The following WDR27 variants were observed in gnomAD, a reference collection of about 807,000 sequenced individuals.
The protein encoded by WDR27 is WD repeat-containing protein 27.
Under a neutral mutation model 114.4 loss-of-function variants are expected in WDR27, and 100 were observed. That is an observed-to-expected ratio of 0.87 (90% confidence interval 0.74 to 1.03). The LOEUF is 1.03. Among genes scored for constraint, WDR27 ranks in the 50% least tolerant of loss-of-function variants. The pLI is 0.00. For synonymous variants in WDR27, 449 were observed against 423.1 expected (o/e 1.06, Z -0.75); for missense variants, 1,129 against 1,092.9 (o/e 1.03, Z -0.47).
At chr6:169,698,963 T>C (rs765075420) in intron 1 of WDR27, among the ~76,000 whole-genome samples, 3 of 152,322 alleles carry the variant, frequency 2.0e-5, no homozygotes, top group South Asian at 2.1e-4. Flanking sequence ...TCAGTGACAC[T>C]GTAGGATGTT....
At chr6:169,502,284 G>C (rs1329309221) in intron 25 of WDR27, among the ~76,000 whole-genome samples, 2 of 152,180 alleles carry the variant, frequency 1.3e-5, no homozygotes, top group African/African-American at 4.8e-5. Context: ...CCGGACTCAC[G>C]TGCTGGGGAT....
intron 22 of WDR27, among the ~76,000 whole-genome samples, chr6:169,612,336 C>A (rs1487985079): frequency 2.0e-5 from 3 of 152,212 alleles, no homozygotes; most frequent in Non-Finnish European, 2.9e-5. Flanking sequence ...AGGAGAATGG[C>A]GTGAAGCCAG....
intron 17 of WDR27, among the ~76,000 whole-genome samples, chr6:169,640,776 T>G (rs994558191): frequency 6.6e-6 from 1 of 152,084 alleles, no homozygotes; most frequent in African/African-American, 2.4e-5. Flanking sequence ...ACCAGCCATG[T>G]GGCGCACTGT....
At chr6:169,693,091 A>C (rs1479672229) in intron 1 of WDR27, among the ~76,000 whole-genome samples, 2 of 152,262 alleles carry the variant, frequency 1.3e-5, no homozygotes. Flanking sequence ...GCTGTGAGAC[A>C]AAAGCATCAG....
chr6:169,466,522 G>A (rs759825092), intron 25 of WDR27, among the ~76,000 whole-genome samples: 5 of 152,084 alleles, frequency 3.3e-5, no homozygotes, highest in Non-Finnish European at 5.9e-5. Flanking sequence ...AACAAATGAG[G>A]GTAACTGCTC....
chr6:169,621,207 C>T (rs535801959), intron 21 of WDR27, among the ~76,000 whole-genome samples: 26 of 152,244 alleles, frequency 1.7e-4, no homozygotes, highest in East Asian at 9.7e-4. Context: ...CATGCACGCT[C>T]GCATATGCAT....
rs532665801 is a variant in WDR27, at chr6:169,506,594, A to G, written c.2646-48960T>C. Among the ~76,000 whole-genome samples, 14 of 152,370 alleles carry G rather than the reference A, an allele frequency of 9.2e-5. No homozygotes were observed. In the East Asian group the frequency reaches 2.1e-3, roughly 23 times the overall value. Reference sequence around the variant, plus strand: ...GAATGAAAGAAAGCCATAGACGGCAACAAATTCACAGAAGCACATGAGTAG... The same window carrying G: ...GAATGAAAGAAAGCCATAGACGGCAGCAAATTCACAGAAGCACATGAGTAG... On this transcript the variant is annotated intron_variant, in intron 25 of 25. Coordinates refer to ENST00000448612, the MANE Select transcript of WDR27 (RefSeq NM_182552.5).
Position 169,681,683 on chromosome 6 carries a change from G to A in WDR27, c.189+7134C>T, listed in dbSNP as rs192899223. On this transcript the variant is annotated intron_variant, in intron 2 of 25. Coordinates refer to ENST00000448612, the MANE Select transcript of WDR27 (RefSeq NM_182552.5). ...AACCTGAAAGCTGCCCTGTGGCTTC[G>A]CTCCAATTCCCTCATCTGAGGTCCC... Among the ~76,000 whole-genome samples, 862 of 152,306 alleles carry A rather than the reference G, an allele frequency of 5.7e-3. 3 individuals carry two copies. Among genetic ancestry groups the A allele is most frequent in the Middle Eastern group, 0.01 (3 of 294 alleles).
At chr6:169,645,017 A>T (rs866768752) in intron 16 of WDR27, among the ~76,000 whole-genome samples, 14 of 64,776 alleles carry the variant, frequency 2.2e-4, no homozygotes, top group South Asian at 4.3e-4. Context: ...TCAAAAAAAA[A>T]AAAAATAAAA....
chr6:169,665,294 C>G (rs1827520821), intron 7 of WDR27, 192 bp downstream of exon 7: 1 of 1,356,226 alleles, frequency 7.4e-7, no homozygotes, highest in Non-Finnish European at 9.5e-7. Flanking sequence ...CTCCGCAGAC[C>G]AGGGGGCCCA....
intron 5 of WDR27, 115 bp downstream of exon 5, chr6:169,667,867 A>G: frequency 9.9e-7 from 1 of 1,014,300 alleles, no homozygotes; most frequent in Non-Finnish European, 1.4e-6. Context: ...GAAGTGAGGT[A>G]GAAACAACAT....
intron 22 of WDR27, 34 bp from the exon 23 acceptor site, chr6:169,602,355 C>A: frequency 7.0e-7 from 1 of 1,418,874 alleles, no homozygotes; most frequent in Non-Finnish European, 9.6e-7. Context: ...GGAGAAAAAT[C>A]ATTTTAAAAT....
chr6:169,701,496 T>C (rs1788039265), intron 1 of WDR27, 55 bp downstream of exon 1: 1 of 152,666 alleles, frequency 6.6e-6, no homozygotes, highest in African/African-American at 2.4e-5. Flanking sequence ...CTACTGAATC[T>C]TTTAAAGAGA....
intron 23 of WDR27, among the ~76,000 whole-genome samples, chr6:169,594,452 T>C (rs141818242): frequency 1.4e-4 from 21 of 152,336 alleles, no homozygotes; most frequent in African/African-American, 4.6e-4. Context: ...AATTATGATA[T>C]AGAGGTTTCC....
chr6:169,566,127 A>G (rs1584260093), intron 25 of WDR27, among the ~76,000 whole-genome samples: 1 of 151,486 alleles, frequency 6.6e-6, no homozygotes, highest in East Asian at 1.9e-4. Flanking sequence ...TATGTAAGAA[A>G]TAAAACATTT....
Position 169,609,554 on chromosome 6 carries a change from C to T in WDR27, c.2321+4005G>A, listed in dbSNP as rs148183184. 1.5e-3 allele frequency among the ~76,000 whole-genome samples: 221 copies of T among 152,288 alleles called. 1 individual carries two copies. The highest frequency in any genetic ancestry group is 5.0e-3 in the African/African-American group (207 of 41,568). ...TGGCCCCTTTCAGCCATGGCTGGAG[C>T]GGCTGGGACACAGGGCACCAAGTCC... On this transcript the variant is annotated intron_variant, in intron 22 of 25. Transcript: ENST00000448612.
chr6:169,518,639 G>A (rs1169850731), intron 25 of WDR27, among the ~76,000 whole-genome samples: 1 of 152,246 alleles, frequency 6.6e-6, no homozygotes, highest in African/African-American at 2.4e-5. Context: ...TATGACAGGA[G>A]GGGCTGCCTC....
chr6:169,682,138 G>A (rs1329421356), intron 2 of WDR27, among the ~76,000 whole-genome samples: 1 of 152,098 alleles, frequency 6.6e-6, no homozygotes, highest in Non-Finnish European at 1.5e-5. Flanking sequence ...CTGCAGTTGG[G>A]AAACTATCTT....
chr6:169,702,010 C>A lies in WDR27; in HGVS notation c.-467G>T, dbSNP rs1788225156. On this transcript the variant is annotated 5_prime_UTR_variant, in exon 1 of 26. Transcript: ENST00000448612. Reference sequence around the variant, plus strand: ...CCGCTATGGTTACTTGCCAGCCGACCCACGCGAGCCGCTATGGTTACTAGC... The same window carrying A: ...CCGCTATGGTTACTTGCCAGCCGACACACGCGAGCCGCTATGGTTACTAGC... The A allele has an allele frequency of 1.2e-5, 5 of 429,298 alleles. No homozygotes were observed. The highest frequency in any genetic ancestry group is 1.9e-5 in the Non-Finnish European group (4 of 213,664). The allele number at this position is 429,298 out of a possible 1,614,324, so 26.6% of individuals were successfully genotyped here.
Sources: allele counts gnomAD v4.1 joint callset (sites outside exome capture counted in the v4.1 genomes callset), GRCh38; gene constraint gnomAD v4.1.1; transcripts MANE v1.5; gene names NCBI Gene and HGNC (gene_info 2026-07-23, HGNC 2026-07-21).